The following TMPRSS9 variants were observed in gnomAD, a reference collection of about 807,000 sequenced individuals.
TMPRSS9 encodes the protein transmembrane serine protease 9.
A neutral mutation model predicts 111.4 loss-of-function variants in TMPRSS9; 113 were observed. That is an observed-to-expected ratio of 1.01 (90% CI 0.87 to 1.19). TMPRSS9 has a LOEUF of 1.19. TMPRSS9 is among the 50% of genes most tolerant of loss of function. The probability of loss-of-function intolerance (pLI) is 0.00; values close to 1 mark genes in which losing one functional copy is unlikely to be tolerated. For missense variants in TMPRSS9, 1,803 were observed against 1,513.1 expected, an observed-to-expected ratio of 1.19 and a Z score of -3.18; for synonymous variants, 805 against 659.1, an observed-to-expected ratio of 1.22 and a Z score of -3.39.
At chr19:2,366,643 G>T (rs1970249603) in intron 1 of TMPRSS9, among the ~76,000 whole-genome samples, 1 of 151,760 alleles carries the variant, frequency 6.6e-6, no homozygotes, top group Non-Finnish European at 1.5e-5. Flanking sequence ...AGATCACAAG[G>T]TCAGGAGATC....
chr19:2,408,694 G>A (rs1971025035), intron 8 of TMPRSS9, 64 bp downstream of exon 9: 5 of 1,560,184 alleles, frequency 3.2e-6, no homozygotes, highest in Non-Finnish European at 4.3e-6. Flanking sequence ...ACGCAGAAAA[G>A]GGCCAGGTGA....
In TMPRSS9 at chr19:2,382,220, C is replaced by G. The variant is rs562526418; in HGVS notation, c.-25-7541C>G. Among the ~76,000 whole-genome samples the G allele has an allele frequency of 1.8e-4, 28 of 152,302 alleles. 1 individual carries two copies. Among genetic ancestry groups the G allele is most frequent in the Non-Finnish European group, 3.5e-4 (24 of 68,022 alleles). On this transcript the variant is annotated intron_variant, in intron 1 of 17. Transcript: ENST00000649857. The stretch of plus-strand genomic sequence containing the variant: ...TGTGTTGCCCAGGCTGGAGTGCTCA[C>G]TGCAACCTCTGCCTCTGAGGTTCAA...
intron 1 of TMPRSS9, among the ~76,000 whole-genome samples, chr19:2,376,463 T>C (rs954502621): frequency 1.3e-4 from 19 of 151,428 alleles, no homozygotes; most frequent in Middle Eastern, 6.8e-3. Context: ...TGTCATTTCT[T>C]TTTTTTTTCT....
chr19:2,368,373 C>G (rs1380986568), intron 1 of TMPRSS9, among the ~76,000 whole-genome samples: 1 of 150,424 alleles, frequency 6.6e-6, no homozygotes, highest in African/African-American at 2.4e-5. Context: ...TAGGGTATAG[C>G]TGAGGATGTC....
At chr19:2,390,217 A>G (rs1361862961) in intron 1 of TMPRSS9, among the ~76,000 whole-genome samples, 1 of 151,668 alleles carries the variant, frequency 6.6e-6, no homozygotes, top group African/African-American at 2.4e-5. Flanking sequence ...CAAATCAGCA[A>G]AATACCCAAA....
At chr19:2,390,395 C>T (rs1486844126) in intron 1 of TMPRSS9, among the ~76,000 whole-genome samples, 4 of 150,288 alleles carry the variant, frequency 2.7e-5, no homozygotes, top group African/African-American at 4.9e-5. Context: ...AGGCGCCCGC[C>T]ACCACCCCCG....
At chr19:2,378,682 C>T (rs1202113346) in intron 1 of TMPRSS9, among the ~76,000 whole-genome samples, 3 of 152,334 alleles carry the variant, frequency 2.0e-5, no homozygotes, top group East Asian at 1.9e-4. Context: ...TGTGCCACTG[C>T]ACTCCAGCCT....
At chr19:2,415,379 C>G (rs987295079) in intron 10 of TMPRSS9, among the ~76,000 whole-genome samples, 1 of 152,154 alleles carries the variant, frequency 6.6e-6, no homozygotes, top group Admixed American at 6.6e-5. Context: ...ATAAACCTGG[C>G]TTTGTGGGCT....
intron 1 of TMPRSS9, among the ~76,000 whole-genome samples, chr19:2,374,371 G>A (rs866425634): frequency 3.6e-5 from 5 of 139,656 alleles, no homozygotes; most frequent in South Asian, 4.6e-4. Context: ...TCAGGAGTTC[G>A]AGACCACCCT....
At chr19:2,375,724 C>T (rs780909303) in intron 1 of TMPRSS9, among the ~76,000 whole-genome samples, 1 of 152,138 alleles carries the variant, frequency 6.6e-6, no homozygotes. Context: ...GCACCATGAT[C>T]GACCACCCCA....
intron 1 of TMPRSS9, among the ~76,000 whole-genome samples, chr19:2,378,423 T>C (rs1000491429): frequency 6.6e-6 from 1 of 152,168 alleles, no homozygotes; most frequent in African/African-American, 2.4e-5. Context: ...ATGCTGCTAA[T>C]GAAAGCATAC....
Position 2,389,910 on chromosome 19 carries a change from C to G in TMPRSS9, c.125C>G (p.Thr42Ser), listed in dbSNP as rs371260295. The stretch of plus-strand genomic sequence containing the variant: ...GTGGCCACCAGCCTTGTCGTCCTCA[C>G]CCTGGGAGTCCTTTTGGGTAAGTGG... Residue 42 changes from threonine (T) to serine (S), a missense_variant, in exon 1 of 18, where the codon ACC (threonine) becomes AGC (serine). By Grantham distance (58) the Thr-to-Ser change is moderately conservative. Coordinates refer to ENST00000648592, the Ensembl canonical transcript of TMPRSS9. The G allele has an allele frequency of 1.9e-5, 30 of 1,609,892 alleles. No individual in the cohort carries two copies. Among genetic ancestry groups the G allele is most frequent in the Middle Eastern group, 3.3e-4 (2 of 6,050 alleles).
intron 14 of TMPRSS9, among the ~76,000 whole-genome samples, chr19:2,423,385 G>A (rs996860191): frequency 2.0e-5 from 3 of 150,848 alleles, no homozygotes; most frequent in African/African-American, 7.3e-5. Flanking sequence ...AGGGCCAGAC[G>A]GTGCCAAGGC....
At chr19:2,410,160 G>C (rs919706113) in intron 8 of TMPRSS9, 98 bp from the exon 10 acceptor site, 3 of 1,539,048 alleles carry the variant, frequency 1.9e-6, no homozygotes, top group Non-Finnish European at 2.6e-6. Context: ...GGGAAACTGA[G>C]GGAGGCTTGG....
chr19:2,384,507 C>T (rs1345838380), intron 1 of TMPRSS9, among the ~76,000 whole-genome samples: 1 of 151,740 alleles, frequency 6.6e-6, no homozygotes. Context: ...CCCATCTCTA[C>T]TGAAAGTACA....
intron 12 of TMPRSS9, among the ~76,000 whole-genome samples, chr19:2,417,580 C>T (rs1971276292): frequency 1.3e-5 from 2 of 151,214 alleles, no homozygotes; most frequent in African/African-American, 2.4e-5. Context: ...CCTGGGAGTT[C>T]AAGGCCGCAG....
chr19:2,405,476 A>C, exon 7 of TMPRSS9: 1 of 1,608,492 alleles, frequency 6.2e-7, no homozygotes, highest in Non-Finnish European at 8.5e-7. Flanking sequence ...CGAGAGAACA[A>C]GGAGCACTTC....
intron 1 of TMPRSS9, among the ~76,000 whole-genome samples, chr19:2,393,640 C>T (rs1297701262): frequency 2.6e-5 from 4 of 152,120 alleles, no homozygotes; most frequent in South Asian, 2.1e-4. Context: ...TAGCTCACCC[C>T]GGTAATCCCA....
intron 1 of TMPRSS9, among the ~76,000 whole-genome samples, chr19:2,361,758 G>C (rs896508882): frequency 4.6e-5 from 7 of 152,200 alleles, no homozygotes; most frequent in African/African-American, 1.4e-4. Flanking sequence ...TCGGACCCAG[G>C]CATGGGCTCC....
Sources: allele counts gnomAD v4.1 joint callset (sites outside exome capture counted in the v4.1 genomes callset), GRCh38; gene constraint gnomAD v4.1.1; transcripts MANE v1.5; gene names NCBI Gene and HGNC (gene_info 2026-07-23, HGNC 2026-07-21).